Variants in FASN observed in about 807,000 individuals in gnomAD.
FASN encodes the protein fatty acid synthase.
FASN carries 50 observed loss-of-function variants against 250.0 expected under a neutral mutation model. The ratio of observed to expected loss-of-function variants is 0.20; its 90% CI spans 0.16 to 0.25. The LOEUF (loss-of-function observed/expected upper bound fraction) is 0.25, where lower values mean the gene tolerates loss of function less well. FASN is among the 10% of genes least tolerant of loss of function. The pLI, the probability that FASN is intolerant of heterozygous loss-of-function variation, is 1.00. For missense variants in FASN, 3,031 were observed against 3,498.5 expected (o/e 0.87, Z 3.37); for synonymous variants, 1,909 against 1,584.0 (o/e 1.21, Z -4.87).
At chr17:82,093,819 G>A in intron 3 of FASN, 48 bp from the exon 4 acceptor site, 2 of 1,579,164 alleles carry the variant, frequency 1.3e-6, no homozygotes, top group Non-Finnish European at 1.7e-6. Flanking sequence ...CCACAGCGCA[G>A]CCAGCCCACC....
chr17:82,086,440 C>G lies in FASN; in HGVS notation c.3546G>C (p.Leu1182Phe), dbSNP rs1041147096. ...DPSQQELPRL[L>F]SAACRLQLNG... ...TGAGCTGAAGCCTGCAGGCAGCCGA[C>G]AACAGCCGGGGCAGTTCCTGCTGTG... The change falls in exon 22 of 43, where the codon TTG (leucine) becomes TTC (phenylalanine). Residue 1182 changes from leucine to phenylalanine, a missense_variant. Physicochemically the swap from Leu to Phe is conservative, Grantham distance 22 (BLOSUM62 0). Coordinates refer to ENST00000306749, the MANE Select transcript of FASN (RefSeq NM_004104.5). 1 of 1,612,030 alleles carries G rather than the reference C, an allele frequency of 6.2e-7. No individual in the cohort carries two copies. Among genetic ancestry groups the G allele is most frequent in the African/African-American group, 1.3e-5 (1 of 74,950 alleles).
intron 3 of FASN, chr17:82,094,324 C>T (rs367960409): frequency 3.5e-4 from 68 of 192,458 alleles, no homozygotes; most frequent in East Asian, 1.4e-3. Context: ...GCAGGAAGGG[C>T]GCAGGAGAAG....
At chr17:82,080,339 C>G (rs45466394) in intron 40 of FASN, 31 bp downstream of exon 40, 34 of 1,607,218 alleles carry the variant, frequency 2.1e-5, no homozygotes, top group Non-Finnish European at 2.8e-5. Context: ...AGACGTTTGC[C>G]GTAGGCCTCT....
rs1248982021 is a variant in FASN at position 82,084,095 on chromosome 17, C to T, written c.4978G>A (p.Val1660Met). The T allele has an allele frequency of 1.3e-6, 2 of 1,566,786 alleles. No homozygotes were observed. The highest frequency in any genetic ancestry group is 2.4e-5 in the East Asian group (1 of 41,848). Residue 1660 changes from valine (V) to methionine (M), a missense_variant, in exon 29 of 43, where the codon GTG (valine) becomes ATG (methionine). Coordinates refer to ENST00000306749, the MANE Select transcript of FASN (RefSeq NM_004104.5). ...VVYSTAYYAL[V>M]VRGRVRPGET... ...CCGGGGCGCACCCGCCCACGCACCA[C>T]CAGCGCGTAGTAGGCCGTGCTGTAG...
rs754816915 is a variant in FASN, at chr17:82,090,396, G to T, written c.1849C>A (p.Pro617Thr). 3 of 1,594,318 alleles carry T rather than the reference G, an allele frequency of 1.9e-6. No homozygotes were observed. In the African/African-American group the frequency reaches 4.0e-5, roughly 21 times the overall value. Residue 617 changes from proline (P) to threonine (T), a missense_variant, in exon 11 of 43, where the codon CCG becomes ACG. Transcript: ENST00000306749. ...CTACCCACGGCTGCCATGGCGCCCG[G>T]CGGGAGATGGGCTTCTTTGATGCAC... ...GQCIKEAHLP[P>T]GAMAAVGLSW...
rs763364744 is a variant in FASN, at chr17:82,081,213, G to T, written c.6546C>A (p.Leu2182=). ...ACAGCTCCTGCAGTTTCCGGAGCGT[G>T]AGTTGCCGCACCTCGCGCACGGACA... is the stretch of plus-strand genomic sequence containing the variant. ...LVLSVREVRQ[L]TLRKLQELSS... Residue 2182 remains leucine (L), a synonymous_variant, in exon 38 of 43, where the codon CTC becomes CTA. Coordinates refer to ENST00000306749, the MANE Select transcript of FASN (RefSeq NM_004104.5). The T allele has an allele frequency of 1.3e-6, 2 of 1,593,732 alleles. No individual in the cohort carries two copies. The highest frequency in any genetic ancestry group is 1.7e-5 in the Admixed American group (1 of 57,248).
chr17:82,093,269 C>A lies in FASN; in HGVS notation c.605G>T (p.Arg202Met), dbSNP rs1598583802. 6.3e-7 allele frequency: 1 copy of A among 1,595,970 alleles called. No individual in the cohort carries two copies. The highest frequency in any genetic ancestry group is 8.5e-7 in the Non-Finnish European group (1 of 1,172,248). The change falls in exon 5 of 43, where the codon AGG becomes ATG. Residue 202 changes from arginine to methionine, a missense_variant. Arg to Met is a moderately conservative substitution (Grantham distance 91). Coordinates refer to ENST00000306749, the MANE Select transcript of FASN (RefSeq NM_004104.5). Reference protein sequence around the residue: ...LKPNTSVQFLRLGMLSPEGTC... With the variant: ...LKPNTSVQFLMLGMLSPEGTC... ...GCCCTCGGGGCTGAGCATCCCCAGC[C>A]TCAAGAACTGCACGGAGGTGTTGGG...
In FASN at chr17:82,084,894, G is replaced by C; in HGVS notation, c.4469C>G (p.Ser1490Cys). 4 of 1,551,334 alleles carry C rather than the reference G, an allele frequency of 2.6e-6. No homozygotes were observed. The highest frequency in any genetic ancestry group is 3.5e-6 in the Non-Finnish European group (4 of 1,147,388). Residue 1490 changes from serine to cysteine, a missense_variant, in exon 26 of 43, where the codon TCC (serine) becomes TGC (cysteine). Coordinates refer to ENST00000306749, the MANE Select transcript of FASN (RefSeq NM_004104.5). Reference sequence around the variant, plus strand: ...CTGCAACACCTTCTGCAGTTCTGCGGAGCCCGGGTCCACCTCCGGGACGTG... The same window carrying C: ...CTGCAACACCTTCTGCAGTTCTGCGCAGCCCGGGTCCACCTCCGGGACGTG... ...TSHVPEVDPG[S>C]AELQKVLQGD...
At position 82,087,235 on chromosome 17, in the gene FASN, C is replaced by T; in HGVS notation, c.3242G>A (p.Ser1081Asn). The T allele has an allele frequency of 1.2e-6, 2 of 1,607,428 alleles. No homozygotes were observed. Among genetic ancestry groups the T allele is most frequent in the Non-Finnish European group, 8.5e-7 (1 of 1,178,180 alleles). The change falls in exon 21 of 43, where the codon AGC becomes AAC. Residue 1081 changes from serine (S) to asparagine (N), a missense_variant. Transcript: ENST00000306749. ...DKAQVADVVV[S>N]RWLRVTVAGG... ...GGCCACTGTGACCCTCAGCCACCTG[C>T]TCACCACCACGTCAGCCACTGTGGG...
chr17:82,095,000 G>A (rs2034279733), intron 3 of FASN, among the ~76,000 whole-genome samples: 1 of 151,850 alleles, frequency 6.6e-6, no homozygotes, highest in African/African-American at 2.4e-5. Flanking sequence ...GGGGCCTGGA[G>A]GGCCCCTCAA....
At position 82,081,673 on chromosome 17, in the gene FASN, C is replaced by A. The variant is rs780115566; in HGVS notation, c.6334G>T (p.Ala2112Ser). 1 of 1,612,768 alleles carries A rather than the reference C, an allele frequency of 6.2e-7. No homozygotes were observed. Among genetic ancestry groups the A allele is most frequent in the Non-Finnish European group, 8.5e-7 (1 of 1,180,004 alleles). Residue 2112 changes from alanine (A) to serine (S), a missense_variant, in exon 37 of 43, where the codon GCT becomes TCT. Physicochemically the swap from Ala to Ser is moderately conservative, Grantham distance 99. Transcript: ENST00000306749. The stretch of plus-strand genomic sequence containing the variant: ...TCCCTATAGGCCGCAGCCTTCTCAG[C>A]CAGCACAAAGCTGCTCAGGACCATG... ...PHMVLSSFVL[A>S]EKAAAYRDRD...
At chr17:82,095,042 C>T (rs954416671) in intron 3 of FASN, among the ~76,000 whole-genome samples, 5 of 152,154 alleles carry the variant, frequency 3.3e-5, no homozygotes, top group African/African-American at 7.2e-5. Flanking sequence ...GTCACTCCAG[C>T]CCCGGCCCCG....
chr17:82,093,934 G>A (rs1271773597), intron 3 of FASN, among the ~76,000 whole-genome samples, 163 bp from the exon 4 acceptor site: 3 of 152,020 alleles, frequency 2.0e-5, no homozygotes, highest in Non-Finnish European at 1.5e-5. Flanking sequence ...GGAGGGTGAG[G>A]TGTCCTGCAG....
chr17:82,088,605 T>C (rs2034147880), intron 15 of FASN, 43 bp from the exon 16 acceptor site: 1 of 1,588,388 alleles, frequency 6.3e-7, no homozygotes, highest in Non-Finnish European at 8.6e-7. Context: ...GTCACCGGGG[T>C]CCAGGGGCTC....
rs373700033 is a variant in FASN at position 82,084,700 on chromosome 17, C to T, written c.4581G>A (p.Pro1527=). The part of the protein sequence containing the change: ...FLLEEDKPEE[P]TAHAFVSTLT... Reference sequence around the variant, plus strand: ...GGGTGCTCACAAAGGCATGTGCCGTCGGCTCCTCAGGCTTGTCTAGGGAAA... The same window carrying T: ...GGGTGCTCACAAAGGCATGTGCCGTTGGCTCCTCAGGCTTGTCTAGGGAAA... The change falls in exon 27 of 43, where the codon CCG becomes CCA. Residue 1527 remains proline (P), a synonymous_variant. Coordinates refer to ENST00000306749, the MANE Select transcript of FASN (RefSeq NM_004104.5). 3.3e-5 allele frequency: 51 copies of T among 1,567,348 alleles called. No individual in the cohort carries two copies. The highest frequency in any genetic ancestry group is 3.0e-4 in the African/African-American group (22 of 73,896).
At chr17:82,097,995 C>CCA in intron 1 of FASN, 126 bp downstream of exon 1, 1 of 293,922 alleles carries the variant, frequency 3.4e-6, no homozygotes. Flanking sequence ...CCCAGGCGAC[C>CCA]CCTGGATACG....
rs138021448 is a variant in FASN, at chr17:82,084,257, G to A, written c.4896C>T (p.Phe1632=). The stretch of plus-strand genomic sequence containing the variant: ...ACCAGTTGGAAGGCACATCCCAGAG[G>A]AAGTCCGGTGACAGCAGGACAGAGG... ...LATSVLLSPD[F]LWDVPSNWTL... The change falls in exon 28 of 43, where the codon TTC becomes TTT. Residue 1632 remains phenylalanine, a synonymous_variant. Transcript: ENST00000306749. 1.4e-4 allele frequency: 227 copies of A among 1,612,112 alleles called. 1 individual carries two copies. The African/African-American group carries it at 2.4e-3, about 17-fold the overall frequency.
chr17:82,085,035 C>A lies in FASN; in HGVS notation c.4409G>T (p.Arg1470Leu). The change falls in exon 25 of 43, where the codon CGG becomes CTG. Residue 1470 changes from arginine to leucine, a missense_variant and splice_region_variant. By Grantham distance (102) the Arg-to-Leu change is moderately radical. Coordinates refer to ENST00000306749, the MANE Select transcript of FASN (RefSeq NM_004104.5). Reference protein sequence around the residue: ...LRREPGGNRLRCVLLSNLSST... With the variant: ...LRREPGGNRLLCVLLSNLSST... ...AAGTGGTGAGGGGCCGTGCTCCTAC[C>A]GGAGGCGGTTCCCGCCGGGCTCTCG... 1 of 1,609,212 alleles carries A rather than the reference C, an allele frequency of 6.2e-7. No individual in the cohort carries two copies. Among genetic ancestry groups the A allele is most frequent in the Non-Finnish European group, 8.5e-7 (1 of 1,178,310 alleles).
At chr17:82,093,192 G>A (rs761127251) in intron 5 of FASN, 27 bp downstream of exon 5, 17 of 1,555,398 alleles carry the variant, frequency 1.1e-5, no homozygotes, top group African/African-American at 1.4e-5. Flanking sequence ...TGTCCCGCCT[G>A]CCCTGGCCGC....
Sources: allele counts gnomAD v4.1 joint callset (sites outside exome capture counted in the v4.1 genomes callset), GRCh38; gene constraint gnomAD v4.1.1; transcripts MANE v1.5; gene names NCBI Gene and HGNC (gene_info 2026-07-23, HGNC 2026-07-21).